The following ELF2 variants were observed in gnomAD, a reference collection of about 807,000 sequenced individuals.
ELF2 encodes the protein ETS-related transcription factor Elf-2.
In ELF2, 11 loss-of-function variants were observed where a neutral mutation model predicts 54.8. The ratio of observed to expected loss-of-function variants is 0.20; its 90% CI spans 0.13 to 0.33. The LOEUF (loss-of-function observed/expected upper bound fraction) is 0.33. ELF2 is among the 10% of genes least tolerant of loss of function. The pLI is 1.00. For missense variants in ELF2, 513 were observed against 703.0 expected (o/e 0.73, Z 3.06); for synonymous variants, 203 against 245.1 (o/e 0.83, Z 1.61).
chr4:139,084,836 G>C (rs751931674), intron 4 of ELF2, among the ~76,000 whole-genome samples: 1 of 152,160 alleles, frequency 6.6e-6, no homozygotes, highest in Non-Finnish European at 1.5e-5. Context: ...TTTTAAGACA[G>C]GAACACCAAC....
At chr4:139,090,872 T>C (rs557012832) in intron 4 of ELF2, among the ~76,000 whole-genome samples, 20 of 152,054 alleles carry the variant, frequency 1.3e-4, no homozygotes, top group Admixed American at 4.6e-4. Flanking sequence ...AAACATCCAG[T>C]TTTGATGTAG....
intron 4 of ELF2, among the ~76,000 whole-genome samples, chr4:139,092,132 C>T (rs372412096): frequency 4.0e-5 from 6 of 150,364 alleles, no homozygotes; most frequent in East Asian, 3.9e-4. Context: ...GAGGGCGAGG[C>T]GGTTGGATCA....
chr4:139,143,618 CT>C lies in ELF2; in HGVS notation c.-251-4122del, dbSNP rs1738929573. On this transcript the variant is annotated intron_variant, in intron 1 of 9. Coordinates refer to ENST00000686138, the MANE Select transcript of ELF2 (RefSeq NM_001331036.3). Reference sequence around the variant, plus strand: ...TGGCCAACACAGTGAAACCCCGTCTCTACTAAAAATACAAAAAATAGCCCAG... The same window carrying C: ...TGGCCAACACAGTGAAACCCCGTCTCACTAAAAATACAAAAAATAGCCCAG... 2.0e-5 allele frequency among the ~76,000 whole-genome samples: 3 copies of C among 152,170 alleles called. No homozygotes were observed. In the East Asian group the frequency reaches 5.8e-4, roughly 29 times the overall value.
intron 1 of ELF2, among the ~76,000 whole-genome samples, chr4:139,151,027 A>AG (rs1560870770): frequency 7.2e-5 from 9 of 124,826 alleles, no homozygotes; most frequent in African/African-American, 2.1e-4. Context: ...CCATCTCAAA[A>AG]AAAAAAAAGA....
In ELF2 at chr4:139,105,105, T is replaced by G. The variant is rs1412478606; in HGVS notation, c.238+20059A>C. ...AATTAACTATCTCAATTGTACCTAA[T>G]AACTGTCATATGGAAAGGGAGAGGA... On this transcript the variant is annotated intron_variant, in intron 4 of 9. Transcript: ENST00000686138. Among the ~76,000 whole-genome samples, 4 of 152,230 alleles carry G rather than the reference T, an allele frequency of 2.6e-5. No individual in the cohort carries two copies. In the South Asian group the frequency reaches 8.3e-4, roughly 32 times the overall value.
In ELF2 at chr4:139,057,892, A is replaced by T. The variant is rs1223788948; in HGVS notation, c.*1091T>A. 6.6e-6 allele frequency: 1 copy of T among 152,662 alleles called. No homozygotes were observed. The highest frequency in any genetic ancestry group is 1.5e-5 in the Non-Finnish European group (1 of 68,042). 9.5% of individuals were successfully genotyped at this position (152,662 alleles called of 1,614,324 possible). A position where few individuals can be genotyped will look rare whatever the true frequency, so the allele number is the denominator to read the frequency against. On this transcript the variant is annotated 3_prime_UTR_variant, in exon 10 of 10. Transcript: ENST00000686138. ...TTCATTTCTATATTTCAGAAAACCT[A>T]CTTGAATACACTTTGAAACAAGAGT...
Position 139,084,385 on chromosome 4 carries a change from C to A in ELF2, c.239-10818G>T, listed in dbSNP as rs1043072648. On this transcript the variant is annotated intron_variant, in intron 4 of 9. Transcript: ENST00000686138. ...GCCGAGGCCGGCCCGCCTCCCGCCG[C>A]CGGGCTGAGAAACCCCACCACCTAA... The A allele has an allele frequency of 3.5e-5, 51 of 1,452,548 alleles. No individual in the cohort carries two copies. The African/African-American group carries it at 6.6e-4, about 19-fold the overall frequency. 90.0% of individuals were successfully genotyped at this position (1,452,548 alleles called of 1,614,324 possible).
intron 1 of ELF2, among the ~76,000 whole-genome samples, chr4:139,163,981 G>A (rs1220768808): frequency 1.4e-5 from 2 of 146,532 alleles, no homozygotes; most frequent in African/African-American, 5.1e-5. Context: ...GGAAAGGAAA[G>A]GAAAGAAAGA....
intron 4 of ELF2, among the ~76,000 whole-genome samples, chr4:139,095,430 C>T (rs1373023892): frequency 6.6e-6 from 1 of 152,084 alleles, no homozygotes; most frequent in Non-Finnish European, 1.5e-5. Context: ...ACTGATCTGC[C>T]CACCTCAGCC....
intron 4 of ELF2, among the ~76,000 whole-genome samples, chr4:139,075,982 A>T (rs984182797): frequency 6.6e-6 from 1 of 152,180 alleles, no homozygotes; most frequent in African/African-American, 2.4e-5. Flanking sequence ...TCATATTACA[A>T]ATTCATAAGC....
At chr4:139,174,049 C>T (rs1035946685) in intron 1 of ELF2, among the ~76,000 whole-genome samples, 9 of 149,252 alleles carry the variant, frequency 6.0e-5, no homozygotes, top group Non-Finnish European at 1.2e-4. Context: ...CGGTGAAACC[C>T]CATCTCTACT....
chr4:139,116,154 A>G (rs767915436), intron 4 of ELF2, among the ~76,000 whole-genome samples: 7 of 152,222 alleles, frequency 4.6e-5, no homozygotes, highest in Admixed American at 4.6e-4. Context: ...AAAATCTTTT[A>G]TCTAATAATA....
At chr4:139,112,128 T>TG in intron 4 of ELF2, among the ~76,000 whole-genome samples, 1 of 152,258 alleles carries the variant, frequency 6.6e-6, no homozygotes, top group African/African-American at 2.4e-5. Context: ...ATTTTGCCTC[T>TG]TACACCTCAT....
intron 3 of ELF2, among the ~76,000 whole-genome samples, chr4:139,134,177 A>C (rs1376263658): frequency 6.6e-6 from 1 of 152,064 alleles, no homozygotes; most frequent in Admixed American, 6.6e-5. Flanking sequence ...AATAGGTGTT[A>C]ATTTTTGGCA....
At chr4:139,145,577 T>C (rs1382010700) in intron 1 of ELF2, among the ~76,000 whole-genome samples, 1 of 152,048 alleles carries the variant, frequency 6.6e-6, no homozygotes, top group Non-Finnish European at 1.5e-5. Context: ...CAGGAAAGGA[T>C]GTAACAAAAA....
intron 4 of ELF2, among the ~76,000 whole-genome samples, chr4:139,092,153 G>A (rs1732662516): frequency 6.6e-6 from 1 of 151,578 alleles, no homozygotes; most frequent in Admixed American, 6.6e-5. Context: ...CCCGAGGTCA[G>A]GAGTTCAAGA....
intron 6 of ELF2, among the ~76,000 whole-genome samples, chr4:139,070,930 C>T (rs551536612): frequency 1.3e-5 from 2 of 152,182 alleles, no homozygotes; most frequent in South Asian, 4.2e-4. Context: ...TTTATTTTTG[C>T]ATTTTACTCT....
At chr4:139,070,359 C>T (rs1195686732) in intron 6 of ELF2, among the ~76,000 whole-genome samples, 1 of 150,880 alleles carries the variant, frequency 6.6e-6, no homozygotes, top group African/African-American at 2.4e-5. Context: ...GGTGCAATCT[C>T]GGCTCACTAC....
chr4:139,118,825 T>G (rs1443815514), intron 4 of ELF2, among the ~76,000 whole-genome samples: 1 of 152,252 alleles, frequency 6.6e-6, no homozygotes, highest in East Asian at 1.9e-4. Context: ...TTAAAGAAAC[T>G]CTGTCACAAG....
Sources: gnomAD v4.1 joint callset for allele counts (sites outside exome capture counted in the v4.1 genomes callset) on GRCh38, gnomAD v4.1.1 for gene constraint, MANE v1.5 for transcripts, NCBI Gene and HGNC (gene_info 2026-07-23, HGNC 2026-07-21) for gene names.